The following SLC30A7 variants were observed in gnomAD, a reference collection of about 807,000 sequenced individuals.
The protein encoded by SLC30A7 is solute carrier family 30 member 7, also known as zinc transporter 7.
A neutral mutation model predicts 46.0 loss-of-function variants in SLC30A7; 35 were observed. The observed-to-expected ratio is 0.76, with a 90% CI of 0.58 to 1.01. The LOEUF (loss-of-function observed/expected upper bound fraction) is 1.01. Ranked by LOEUF, SLC30A7 falls within the 50% of genes least tolerant of loss-of-function variation. The pLI, the probability that SLC30A7 is intolerant of heterozygous loss-of-function variation, is 0.00. For synonymous variants in SLC30A7, 147 were observed against 157.8 expected, an observed-to-expected ratio of 0.93 and a Z score of 0.51; for missense variants, 464 against 451.1, an observed-to-expected ratio of 1.03 and a Z score of -0.26.
chr1:100,983,626 A>C (rs1657106378), downstream of SLC30A7, among the ~76,000 whole-genome samples: 1 of 152,360 alleles, frequency 6.6e-6, no homozygotes, highest in Non-Finnish European at 1.5e-5. Flanking sequence ...AGTGAATAGT[A>C]CTCTTTTTGT....
chr1:100,973,487 C>T (rs1458245649), intron 10 of SLC30A7, among the ~76,000 whole-genome samples: 1 of 152,032 alleles, frequency 6.6e-6, no homozygotes. Context: ...TGCTGGCTCT[C>T]ACTTGAGGTT....
intron 7 of SLC30A7, among the ~76,000 whole-genome samples, chr1:100,921,317 TA>T (rs1426221881): frequency 6.6e-6 from 1 of 152,162 alleles, no homozygotes; most frequent in African/African-American, 2.4e-5. Context: ...TATCTATAGT[TA>T]AAAATGTTTT....
At chr1:100,907,226 CT>C (rs1225341036) in intron 3 of SLC30A7, among the ~76,000 whole-genome samples, 5 of 151,628 alleles carry the variant, frequency 3.3e-5, no homozygotes, top group Non-Finnish European at 7.4e-5. Flanking sequence ...AATTTCTCAA[CT>C]TTTTTTTGAA....
chr1:100,900,719 A>C (rs1446093759), intron 2 of SLC30A7, among the ~76,000 whole-genome samples: 1 of 152,182 alleles, frequency 6.6e-6, no homozygotes, highest in Non-Finnish European at 1.5e-5. Context: ...CAGGATTCTA[A>C]GAATTTTCTA....
At chr1:100,928,582 T>G (rs900079718) in intron 8 of SLC30A7, among the ~76,000 whole-genome samples, 1 of 152,160 alleles carries the variant, frequency 6.6e-6, no homozygotes, top group Non-Finnish European at 1.5e-5. Flanking sequence ...GGATTTTTTC[T>G]TTTATTCTGA....
Position 100,921,603 on chromosome 1 carries a change from A to G in SLC30A7, c.707-103A>G, listed in dbSNP as rs1652935081. 5 of 804,358 alleles carry G rather than the reference A, an allele frequency of 6.2e-6. No homozygotes were observed. In the South Asian group the frequency reaches 9.0e-5, roughly 14 times the overall value. 49.8% of individuals were successfully genotyped at this position (804,358 alleles called of 1,614,324 possible). On this transcript the variant is annotated intron_variant, in intron 7 of 10. Coordinates refer to ENST00000357650, the MANE Select transcript of SLC30A7 (RefSeq NM_133496.5). Reference sequence around the variant, plus strand: ...ATGCTTACTTATTTTTGAAGTTGATATCTAGTTTTTTATATATAAAATTAA... The same window carrying G: ...ATGCTTACTTATTTTTGAAGTTGATGTCTAGTTTTTTATATATAAAATTAA...
chr1:100,926,925 A>G (rs187764588), intron 8 of SLC30A7, among the ~76,000 whole-genome samples: 4 of 152,214 alleles, frequency 2.6e-5, no homozygotes, highest in African/African-American at 9.6e-5. Flanking sequence ...GCATAGGGTA[A>G]TATTGGAGCA....
chr1:100,914,773 G>A (rs1652369864), intron 6 of SLC30A7, among the ~76,000 whole-genome samples: 1 of 152,002 alleles, frequency 6.6e-6, no homozygotes, highest in Non-Finnish European at 1.5e-5. Flanking sequence ...AAATATGAAA[G>A]GGACCTTGAA....
At chr1:100,983,651 T>C (rs1167691513), downstream of SLC30A7, among the ~76,000 whole-genome samples, 4 of 152,238 alleles carry the variant, frequency 2.6e-5, no homozygotes, top group Non-Finnish European at 5.9e-5. Context: ...GAGCAACTGC[T>C]AAAACTAAAG....
chr1:100,899,857 A>G (rs1190718125), intron 2 of SLC30A7, among the ~76,000 whole-genome samples: 1 of 151,808 alleles, frequency 6.6e-6, no homozygotes, highest in African/African-American at 2.4e-5. Context: ...ATGCTAACAC[A>G]CAATGCTTTC....
At chr1:100,921,621 A>G (rs568141723) in intron 7 of SLC30A7, 85 bp from the exon 8 acceptor site, 3 of 1,055,844 alleles carry the variant, frequency 2.8e-6, no homozygotes, top group South Asian at 3.8e-5. Flanking sequence ...TTTTATATAT[A>G]AAATTAAGAG....
At chr1:100,972,475 T>G (rs1428622822) in intron 10 of SLC30A7, 1 of 155,952 alleles carries the variant, frequency 6.4e-6, no homozygotes, top group East Asian at 1.9e-4. Flanking sequence ...CCTAGCCTCT[T>G]TGTTTTTCCT....
At chr1:100,965,472 A>G (rs1012519286) in intron 9 of SLC30A7, among the ~76,000 whole-genome samples, 2 of 152,188 alleles carry the variant, frequency 1.3e-5, no homozygotes, top group Non-Finnish European at 2.9e-5. Context: ...CAAGTCATAA[A>G]TAAGTGTTGG....
rs1444240209 is a variant in SLC30A7 at position 100,908,481 on chromosome 1, G to C, written c.296+1516G>C. On this transcript the variant is annotated intron_variant, in intron 3 of 10. Coordinates refer to ENST00000357650, the MANE Select transcript of SLC30A7 (RefSeq NM_133496.5). ...CCAAAAAGGAGATGTGGAGTTCTGT[G>C]GCAGAACTTGCTGATTTTAGTTATA... 2.0e-5 allele frequency among the ~76,000 whole-genome samples: 3 copies of C among 152,122 alleles called. No individual in the cohort carries two copies. In the East Asian group the frequency reaches 5.8e-4, roughly 29 times the overall value.
chr1:100,960,987 C>G (rs1457201920), intron 8 of SLC30A7, among the ~76,000 whole-genome samples: 1 of 131,600 alleles, frequency 7.6e-6, no homozygotes, highest in Non-Finnish European at 1.5e-5. Flanking sequence ...GAGAGTCTCG[C>G]TCTGTCACCC....
intron 8 of SLC30A7, chr1:100,941,404 A>G (rs1654341694): frequency 2.2e-5 from 9 of 400,662 alleles, no homozygotes; most frequent in South Asian, 1.9e-4. Context: ...GGCTAGATGA[A>G]GCACTAGGCA....
the SLC30A7 span, chr1:100,990,424 C>A: frequency 6.2e-7 from 1 of 1,613,984 alleles, no homozygotes; most frequent in Non-Finnish European, 8.5e-7. Context: ...TCCATTGATG[C>A]TTTGAGATTC....
chr1:100,898,717 G>T (rs1351440826), intron 2 of SLC30A7, among the ~76,000 whole-genome samples: 1 of 152,056 alleles, frequency 6.6e-6, no homozygotes, highest in Non-Finnish European at 1.5e-5. Flanking sequence ...AAAATTTTTA[G>T]TTCCTTTTGT....
At chr1:100,900,403 C>G (rs927447498) in intron 2 of SLC30A7, among the ~76,000 whole-genome samples, 2 of 152,192 alleles carry the variant, frequency 1.3e-5, no homozygotes, top group Non-Finnish European at 2.9e-5. Context: ...TATTTCACAG[C>G]AGATGTTTGT....
Sources: allele counts gnomAD v4.1 joint callset (sites outside exome capture counted in the v4.1 genomes callset), GRCh38; gene constraint gnomAD v4.1.1; transcripts MANE v1.5; gene names NCBI Gene and HGNC (gene_info 2026-07-23, HGNC 2026-07-21).